RPAP1: variants seen among roughly 807,000 people sequenced by gnomAD.
RPAP1 encodes RNA polymerase II-associated protein 1.
A neutral mutation model predicts 142.4 loss-of-function variants in RPAP1; 109 were observed. The observed-to-expected ratio is 0.77, with a 90% confidence interval of 0.66 to 0.90. The LOEUF (loss-of-function observed/expected upper bound fraction) is 0.90, where lower values mean the gene tolerates loss of function less well. RPAP1 is among the 40% of genes least tolerant of loss of function. The pLI, the probability that RPAP1 is intolerant of heterozygous loss-of-function variation, is 0.00. For synonymous variants in RPAP1, 704 were observed against 738.9 expected (o/e 0.95, Z 0.77); for missense variants, 1,546 against 1,751.7 (o/e 0.88, Z 2.10).
At chr15:41,540,304 A>AT (rs67194473) in intron 1 of RPAP1, among the ~76,000 whole-genome samples, 120,035 of 144,856 alleles carry the variant, frequency 0.83, 51,325 homozygotes, top group East Asian at 0.96. Context: ...GGTTACTACT[A>AT]TTTTTTTTTT....
rs2051673431 is a variant in RPAP1 at position 41,517,239 on chromosome 15, G to C, written c.*303C>G. On this transcript the variant is annotated 3_prime_UTR_variant, in exon 25 of 25. Transcript: ENST00000304330. ...TATAGCATTCATATGCCTCAGCCCA[G>C]GGCAGGGGTTGGGAGTTAGGTAAGA... is the stretch of plus-strand genomic sequence containing the variant. The C allele has an allele frequency of 3.8e-6, 1 of 262,592 alleles. No homozygotes were observed. The highest frequency in any genetic ancestry group is 7.2e-6 in the Non-Finnish European group (1 of 138,936). The allele number at this position is 262,592 out of a possible 1,614,324, so 16.3% of individuals were successfully genotyped here.
intron 7 of RPAP1, 95 bp downstream of exon 7, chr15:41,530,928 A>G: frequency 8.1e-7 from 1 of 1,234,834 alleles, no homozygotes; most frequent in South Asian, 1.5e-5. Flanking sequence ...CCAAAAGCAC[A>G]GAAGCTTCTC....
Position 41,531,912 on chromosome 15 carries a change from G to A in RPAP1, c.764-710C>T, listed in dbSNP as rs1358717868. ...GCTCTGTTACCCATGCTGGAGTGCA[G>A]TGGCACAATCGTAGCTCACCACAGC... On this transcript the variant is annotated intron_variant, in intron 6 of 24. Coordinates refer to ENST00000304330, the MANE Select transcript of RPAP1 (RefSeq NM_015540.4). Among the ~76,000 whole-genome samples, 8 of 152,012 alleles carry A rather than the reference G, an allele frequency of 5.3e-5. No individual in the cohort carries two copies. The East Asian group carries it at 1.5e-3, about 29-fold the overall frequency.
Position 41,529,969 on chromosome 15 carries a change from C to T in RPAP1, c.954G>A (p.Leu318=), listed in dbSNP as rs760785368. Residue 318 remains leucine, a synonymous_variant, in exon 8 of 25, where the codon TTG becomes TTA. Coordinates refer to ENST00000304330, the MANE Select transcript of RPAP1 (RefSeq NM_015540.4). ...GCCATTCTTTCTGAGGGGTCACGGG[C>T]AATGCCAGAGCTGGGGAGACAAAGC... The part of the protein sequence containing the change: ...KLEPEAPALA[L]PVTPQKEWLH... The T allele has an allele frequency of 1.2e-6, 2 of 1,613,952 alleles. No individual in the cohort carries two copies. The highest frequency in any genetic ancestry group is 1.7e-6 in the Non-Finnish European group (2 of 1,179,870).
chr15:41,525,269 C>A, intron 14 of RPAP1, 121 bp from the exon 15 acceptor site: 1 of 577,660 alleles, frequency 1.7e-6, no homozygotes, highest in Non-Finnish European at 2.8e-6. Flanking sequence ...GCCACAAAGT[C>A]ATACCTCATC....
intron 14 of RPAP1, 51 bp downstream of exon 14, chr15:41,526,847 C>A: frequency 6.5e-7 from 1 of 1,535,378 alleles, no homozygotes; most frequent in South Asian, 1.3e-5. Flanking sequence ...TAGCTCCCAA[C>A]CCAACCCTGT....
At chr15:41,524,364 G>A in intron 15 of RPAP1, 110 bp from the exon 16 acceptor site, 1 of 897,796 alleles carries the variant, frequency 1.1e-6, no homozygotes, top group Non-Finnish European at 1.6e-6. Context: ...AGGATGAGGA[G>A]GAAGAGTGGG....
rs2051894465 is a variant in RPAP1, at chr15:41,535,141, C to A, written c.542-206G>T. On this transcript the variant is annotated intron_variant, in intron 5 of 24. Transcript: ENST00000304330. ...CCTAGTACTTATATGAAAAGGTTTT[C>A]CTCAGAAACATCCTAATTTCTGACT... Among the ~76,000 whole-genome samples the A allele has an allele frequency of 2.0e-5, 3 of 152,320 alleles. No individual in the cohort carries two copies. In the South Asian group the frequency reaches 6.2e-4, roughly 32 times the overall value.
chr15:41,526,865 A>G, intron 14 of RPAP1, 33 bp downstream of exon 14: 1 of 1,570,216 alleles, frequency 6.4e-7, no homozygotes, highest in East Asian at 2.3e-5. Flanking sequence ...TGTCCCATGC[A>G]TTCCCCCATC....
intron 10 of RPAP1, 40 bp from the exon 11 acceptor site, chr15:41,528,067 G>A (rs1220511439): frequency 6.2e-7 from 1 of 1,606,376 alleles, no homozygotes; most frequent in Non-Finnish European, 8.5e-7. Context: ...AGATGCTGAA[G>A]TTATCTAGAG....
Position 41,523,826 on chromosome 15 carries a change from A to AC in RPAP1, c.2380dup (p.Val794GlyfsTer56). 9 of 1,609,722 alleles carry AC rather than the reference A, an allele frequency of 5.6e-6. No individual in the cohort carries two copies. Among genetic ancestry groups the AC allele is most frequent in the Non-Finnish European group, 5.1e-6 (6 of 1,178,126 alleles). On this transcript the variant is annotated frameshift_variant, in exon 17 of 25. Transcript: ENST00000304330. LOFTEE classifies it high-confidence loss of function. ...CAGGAACAACAGGCAGGCAACGGGC[A>AC]CTGGGCCCACGGCTCTCCACATCTC...
At chr15:41,532,334 C>T (rs1232440256) in intron 6 of RPAP1, among the ~76,000 whole-genome samples, 1 of 151,930 alleles carries the variant, frequency 6.6e-6, no homozygotes, top group Admixed American at 6.6e-5. Context: ...TTTTTTATAT[C>T]TTTATTTTTT....
chr15:41,525,706 G>C (rs182955561), intron 14 of RPAP1, among the ~76,000 whole-genome samples: 6 of 151,666 alleles, frequency 4.0e-5, no homozygotes, highest in Non-Finnish European at 5.9e-5. Flanking sequence ...CCAGGCTGGA[G>C]TGCAGTGGCG....
chr15:41,522,365 C>T, intron 19 of RPAP1, 115 bp from the exon 20 acceptor site: 2 of 996,110 alleles, frequency 2.0e-6, no homozygotes, highest in Non-Finnish European at 1.5e-6. Context: ...GAAGGCCTCC[C>T]TTCCCCATGG....
Position 41,534,924 on chromosome 15 carries a change from A to G in RPAP1, c.553T>C (p.Cys185Arg). 6.2e-7 allele frequency: 1 copy of G among 1,614,086 alleles called. No homozygotes were observed. Among genetic ancestry groups the G allele is most frequent in the Non-Finnish European group, 8.5e-7 (1 of 1,179,992 alleles). ...TGGTTCCTAGGAGTGGGTGTCTCACAGGTCACGGCACCTGGAAGAAAGGTA... is the reference window on the plus strand; with the variant it reads ...TGGTTCCTAGGAGTGGGTGTCTCACGGGTCACGGCACCTGGAAGAAAGGTA... ...NVGPPEGAVT[C>R]ETPTPRNQGC... The change falls in exon 6 of 25, where the codon TGT becomes CGT. Residue 185 changes from cysteine to arginine, a missense_variant. Physicochemically the swap from Cys to Arg is radical, Grantham distance 180. Coordinates refer to ENST00000304330, the MANE Select transcript of RPAP1 (RefSeq NM_015540.4).
intron 9 of RPAP1, 65 bp downstream of exon 9, chr15:41,529,405 C>G: frequency 9.3e-7 from 1 of 1,077,882 alleles, no homozygotes; most frequent in South Asian, 1.3e-5. Flanking sequence ...AGGCAGTTGA[C>G]CAGAGATCCT....
intron 18 of RPAP1, 91 bp downstream of exon 18, chr15:41,523,154 G>T (rs1020684099): frequency 3.8e-6 from 4 of 1,059,060 alleles, no homozygotes; most frequent in Non-Finnish European, 5.5e-6. Context: ...CCTGCACCCT[G>T]GGATGGACCT....
At chr15:41,517,885 C>T (rs1183262087) in intron 23 of RPAP1, 28 bp from the exon 24 acceptor site, 2 of 1,614,080 alleles carry the variant, frequency 1.2e-6, no homozygotes, top group South Asian at 1.1e-5. Context: ...AGAGGTGGCA[C>T]TGAGCCGAGG....
At chr15:41,530,018 C>G (rs748107235) in intron 7 of RPAP1, 39 bp from the exon 8 acceptor site, 2 of 1,538,758 alleles carry the variant, frequency 1.3e-6, no homozygotes, top group South Asian at 2.3e-5. Flanking sequence ...CCAAACGGCT[C>G]AGCTCACTAT....
Sources: gnomAD v4.1 joint callset for allele counts (sites outside exome capture counted in the v4.1 genomes callset) on GRCh38, gnomAD v4.1.1 for gene constraint, MANE v1.5 for transcripts, NCBI Gene and HGNC (gene_info 2026-07-23, HGNC 2026-07-21) for gene names.